MRPL37: variants seen among roughly 807,000 people sequenced by gnomAD.
MRPL37 encodes large ribosomal subunit protein mL37.
MRPL37 carries 34 observed loss-of-function variants against 44.1 expected under a neutral mutation model. That is an observed-to-expected ratio of 0.77 (90% CI 0.59 to 1.03). The LOEUF is 1.03. MRPL37 is among the 50% of genes least tolerant of loss of function. The probability of loss-of-function intolerance (pLI) is 0.00; values close to 1 mark genes in which losing one functional copy is unlikely to be tolerated. For synonymous variants in MRPL37, 212 were observed against 219.5 expected (o/e 0.97, Z 0.30); for missense variants, 532 against 543.7 (o/e 0.98, Z 0.21).
At position 54,200,230 on chromosome 1, in the gene MRPL37, G is replaced by A. The variant is rs374089852; in HGVS notation, c.-14G>A. The stretch of plus-strand genomic sequence containing the variant: ...GCGGGGTCCAGGTGGAGGTCTTGAG[G>A]CTATCAGATCGGTATGGCATTGGCG... On this transcript the variant is annotated 5_prime_UTR_variant, in exon 1 of 7. Coordinates refer to ENST00000360840, the MANE Select transcript of MRPL37 (RefSeq NM_016491.4). 2.8e-5 allele frequency: 43 copies of A among 1,547,258 alleles called. No individual in the cohort carries two copies. In the African/African-American group the frequency reaches 5.6e-4, roughly 20 times the overall value.
intron 5 of MRPL37, among the ~76,000 whole-genome samples, chr1:54,213,330 G>T (rs1479846146): frequency 6.6e-6 from 1 of 152,230 alleles, no homozygotes; most frequent in African/African-American, 2.4e-5. Context: ...CCAGATCCCT[G>T]GTTTGGGGTG....
At chr1:54,204,934 CT>C in intron 1 of MRPL37, 83 bp from the exon 2 acceptor site, 1 of 1,471,890 alleles carries the variant, frequency 6.8e-7, no homozygotes. Context: ...AGCCTTTTTA[CT>C]AAGATGCTAC....
downstream of MRPL37, among the ~76,000 whole-genome samples, chr1:54,222,756 A>C (rs1644244599): frequency 6.6e-6 from 1 of 152,162 alleles, no homozygotes. Flanking sequence ...GTATGTCTGT[A>C]GTTCAGACCT....
chr1:54,224,269 A>G (rs1056546154), downstream of MRPL37, among the ~76,000 whole-genome samples: 1 of 152,230 alleles, frequency 6.6e-6, no homozygotes, highest in African/African-American at 2.4e-5. Flanking sequence ...GCAAAAGCCT[A>G]GGAAACCTTG....
chr1:54,202,754 G>T (rs946445), intron 1 of MRPL37, among the ~76,000 whole-genome samples: 25,959 of 152,098 alleles, frequency 0.17, 2,409 homozygotes, highest in African/African-American at 0.23. Flanking sequence ...GCCTCCCAGA[G>T]TGCTGAGGTT....
chr1:54,205,027 A>T lies in MRPL37; in HGVS notation c.356A>T (p.Gln119Leu). The T allele has an allele frequency of 6.2e-7, 1 of 1,613,852 alleles. No individual in the cohort carries two copies. Among genetic ancestry groups the T allele is most frequent in the Non-Finnish European group, 8.5e-7 (1 of 1,179,900 alleles). Residue 119 changes from glutamine (Q) to leucine (L), a missense_variant, in exon 2 of 7, where the codon CAG (glutamine) becomes CTG (leucine). Transcript: ENST00000360840. ...HRCRLLEGVK[Q>L]ALWLTKTKLI... ...GCTAATTACCTCAAAGGTGTAAAGC[A>T]GGCCCTCTGGCTCACCAAGACCAAG... is the stretch of plus-strand genomic sequence containing the variant.
intron 3 of MRPL37, among the ~76,000 whole-genome samples, chr1:54,208,194 T>A (rs1019824887): frequency 4.6e-5 from 7 of 152,040 alleles, no homozygotes; most frequent in Non-Finnish European, 8.8e-5. Context: ...CTGGCTAGGG[T>A]TTTCTCACTC....
intron 1 of MRPL37, among the ~76,000 whole-genome samples, chr1:54,202,696 G>T (rs1219441808): frequency 6.6e-6 from 1 of 152,040 alleles, no homozygotes; most frequent in Non-Finnish European, 1.5e-5. Context: ...TAGAGATGGG[G>T]TTACACCACA....
downstream of MRPL37, among the ~76,000 whole-genome samples, chr1:54,219,914 A>G (rs1644221552): frequency 6.6e-6 from 1 of 152,186 alleles, no homozygotes; most frequent in Admixed American, 6.5e-5. Context: ...GAGCAGCCAC[A>G]TTAGTATCTG....
chr1:54,201,988 C>G (rs1030487168), intron 1 of MRPL37, among the ~76,000 whole-genome samples: 2 of 151,642 alleles, frequency 1.3e-5, no homozygotes, highest in Non-Finnish European at 2.9e-5. Context: ...TGCTGCACCA[C>G]AAAATCCAGA....
At chr1:54,215,603 A>G (rs1396095021) in intron 5 of MRPL37, among the ~76,000 whole-genome samples, 1 of 152,132 alleles carries the variant, frequency 6.6e-6, no homozygotes, top group Admixed American at 6.5e-5. Flanking sequence ...GCGTGGGGGA[A>G]GGGTGTGGTC....
chr1:54,221,388 C>G (rs762702284), downstream of MRPL37, among the ~76,000 whole-genome samples: 17 of 152,198 alleles, frequency 1.1e-4, no homozygotes, highest in African/African-American at 7.2e-5. Flanking sequence ...TCTTGACTCT[C>G]TCTTTAACAT....
intron 5 of MRPL37, 117 bp from the exon 6 acceptor site, chr1:54,216,024 C>T: frequency 1.9e-6 from 2 of 1,029,874 alleles, no homozygotes; most frequent in South Asian, 1.5e-5. Flanking sequence ...CAAAGAGAAG[C>T]CATTCAGTGG....
downstream of MRPL37, among the ~76,000 whole-genome samples, chr1:54,223,756 C>T (rs183407758): frequency 2.0e-5 from 3 of 152,304 alleles, no homozygotes; most frequent in Admixed American, 6.5e-5. Flanking sequence ...AGTGATGGGC[C>T]GAAGCCCTAT....
chr1:54,224,198 TCA>T (rs1644257704), downstream of MRPL37, among the ~76,000 whole-genome samples: 2 of 152,322 alleles, frequency 1.3e-5, no homozygotes, highest in South Asian at 2.1e-4. Context: ...AGTCGCAGCC[TCA>T]GTCTCTTCAT....
In MRPL37 at chr1:54,212,487, T is replaced by G; in HGVS notation, c.833-14T>G. ...AATCCTTTCCACCCCTCCACATAAT[T>G]GTGTCTCTTGCAGGATTCCAGGAAG... On this transcript the variant is annotated splice_polypyrimidine_tract_variant and intron_variant, in intron 4 of 6. Coordinates refer to ENST00000360840, the MANE Select transcript of MRPL37 (RefSeq NM_016491.4). 1 of 1,613,346 alleles carries G rather than the reference T, an allele frequency of 6.2e-7. No homozygotes were observed. Among genetic ancestry groups the G allele is most frequent in the Non-Finnish European group, 8.5e-7 (1 of 1,179,524 alleles).
At chr1:54,224,029 G>A (rs994722540), downstream of MRPL37, among the ~76,000 whole-genome samples, 1 of 152,316 alleles carries the variant, frequency 6.6e-6, no homozygotes, top group Non-Finnish European at 1.5e-5. Context: ...GCTCTTCCCA[G>A]GCTGGGCCCC....
At chr1:54,218,470 G>A (rs1319289538), downstream of MRPL37, 9 of 1,158,444 alleles carry the variant, frequency 7.8e-6, no homozygotes, top group East Asian at 1.3e-4. Context: ...CTGAAGCCCA[G>A]CTCTGCCCTT....
At chr1:54,206,591 T>C (rs920639493) in intron 3 of MRPL37, among the ~76,000 whole-genome samples, 3 of 151,818 alleles carry the variant, frequency 2.0e-5, no homozygotes, top group Non-Finnish European at 2.9e-5. Context: ...TGTATTTTTA[T>C]TGGAGATGGG....
Sources: allele counts gnomAD v4.1 joint callset (sites outside exome capture counted in the v4.1 genomes callset), GRCh38; gene constraint gnomAD v4.1.1; transcripts MANE v1.5; gene names NCBI Gene and HGNC (gene_info 2026-07-23, HGNC 2026-07-21).